PDE7A: variants seen among roughly 807,000 people sequenced by gnomAD.
The protein encoded by PDE7A is high affinity 3',5'-cyclic-AMP phosphodiesterase 7A.
In PDE7A, 39 loss-of-function variants were observed where a neutral mutation model predicts 64.3. That is an observed-to-expected ratio of 0.61 (90% confidence interval 0.47 to 0.79). The LOEUF (loss-of-function observed/expected upper bound fraction) is 0.79, where lower values mean the gene tolerates loss of function less well. Among genes scored for constraint, PDE7A ranks in the 30% least tolerant of loss-of-function variants. The pLI, the probability that PDE7A is intolerant of heterozygous loss-of-function variation, is 0.00. For missense variants in PDE7A, 470 were observed against 582.8 expected (o/e 0.81, Z 1.99); for synonymous variants, 203 against 206.8 (o/e 0.98, Z 0.16).
intron 1 of PDE7A, among the ~76,000 whole-genome samples, chr8:65,809,903 T>C (rs1810210162): frequency 6.6e-6 from 1 of 152,264 alleles, no homozygotes; most frequent in East Asian, 1.9e-4. Context: ...TTGGTGGGAG[T>C]GTAAATTAGT....
chr8:65,773,911 C>A (rs1418247510), intron 3 of PDE7A, among the ~76,000 whole-genome samples: 1 of 152,148 alleles, frequency 6.6e-6, no homozygotes, highest in African/African-American at 2.4e-5. Context: ...AGGCTGGAGA[C>A]TCCAAATACA....
intron 3 of PDE7A, chr8:65,770,955 C>T (rs1215532837): frequency 1.6e-5 from 4 of 257,234 alleles, no homozygotes; most frequent in Admixed American, 1.1e-4. Context: ...AGAAAAGACT[C>T]GTTAAAGTCA....
intron 3 of PDE7A, among the ~76,000 whole-genome samples, chr8:65,751,626 A>G (rs938978739): frequency 6.6e-6 from 1 of 152,042 alleles, no homozygotes; most frequent in African/African-American, 2.4e-5. Flanking sequence ...TCAAGTAGCT[A>G]GGATTACAGG....
intron 1 of PDE7A, among the ~76,000 whole-genome samples, chr8:65,795,805 A>C (rs1358083123): frequency 6.6e-6 from 1 of 152,168 alleles, no homozygotes; most frequent in Non-Finnish European, 1.5e-5. Flanking sequence ...GAAAATAAAA[A>C]AGTCACCTCA....
chr8:65,821,986 G>C (rs576960101), intron 1 of PDE7A, among the ~76,000 whole-genome samples: 20 of 152,304 alleles, frequency 1.3e-4, no homozygotes, highest in African/African-American at 4.8e-4. Flanking sequence ...CTAACAGGCA[G>C]AATTTTATAA....
intron 1 of PDE7A, among the ~76,000 whole-genome samples, chr8:65,807,503 A>G (rs1380623779): frequency 6.6e-6 from 1 of 151,412 alleles, no homozygotes; most frequent in Non-Finnish European, 1.5e-5. Context: ...TTTCCTTTCC[A>G]ATCTGGATGT....
rs1179431555 is a variant in PDE7A, at chr8:65,730,171, C to CTTTTTTTTTTTTTTTTTTT, written c.697-2889_697-2871dup. Among the ~76,000 whole-genome samples, 23 of 86,442 alleles carry CTTTTTTTTTTTTTTTTTTT rather than the reference C, an allele frequency of 2.7e-4. 3 individuals carry two copies. Among genetic ancestry groups the CTTTTTTTTTTTTTTTTTTT allele is most frequent in the African/African-American group, 4.3e-4 (9 of 20,936 alleles). 56.7% of individuals were successfully genotyped at this position (86,442 alleles called of 152,430 possible). On this transcript the variant is annotated intron_variant, in intron 7 of 12. Coordinates refer to ENST00000401827, the MANE Select transcript of PDE7A (RefSeq NM_001242318.3). ...TGTGAGGGATCCAGGTTGCGCACTT[C>CTTTTTTTTTTTTTTTTTTT]TTTTTTTTTTTTTTTTTTTTTTTTT...
intron 3 of PDE7A, among the ~76,000 whole-genome samples, chr8:65,763,937 A>G (rs1808639479): frequency 1.3e-5 from 2 of 152,368 alleles, no homozygotes; most frequent in South Asian, 2.1e-4. Context: ...GAAGATATTT[A>G]GAAGACAGAA....
rs909975938 is a variant in PDE7A, at chr8:65,776,317, T to C, written c.283+3403A>G. Among the ~76,000 whole-genome samples the C allele has an allele frequency of 4.6e-5, 7 of 152,304 alleles. No individual in the cohort carries two copies. The South Asian group carries it at 1.0e-3, about 23-fold the overall frequency. Reference sequence around the variant, plus strand: ...TCTATAGTATGCCTTTATTCTATTGTCAGTCCTTGAATTAACATCACCTTG... The same window carrying C: ...TCTATAGTATGCCTTTATTCTATTGCCAGTCCTTGAATTAACATCACCTTG... On this transcript the variant is annotated intron_variant, in intron 3 of 12. Transcript: ENST00000401827.
intron 3 of PDE7A, among the ~76,000 whole-genome samples, chr8:65,756,732 C>G: frequency 6.6e-6 from 1 of 152,216 alleles, no homozygotes; most frequent in African/African-American, 2.4e-5. Flanking sequence ...ACTAGTAATT[C>G]CAATGTGTGG....
At chr8:65,723,388 C>T in intron 12 of PDE7A, 153 bp downstream of exon 12, 2 of 643,008 alleles carry the variant, frequency 3.1e-6, no homozygotes, top group Non-Finnish European at 4.5e-6. Context: ...TTAGAAGAGC[C>T]ATAACAAGGG....
In PDE7A at chr8:65,734,893, A is replaced by G. The variant is rs1411293682; in HGVS notation, c.597T>C (p.Val199=). The G allele has an allele frequency of 1.5e-5, 24 of 1,588,574 alleles. No homozygotes were observed. The highest frequency in any genetic ancestry group is 2.1e-5 in the Non-Finnish European group (24 of 1,157,078). The change falls in exon 7 of 13, where the codon GTT becomes GTC. Residue 199 remains valine (V), a splice_region_variant and synonymous_variant. Coordinates refer to ENST00000401827, the MANE Select transcript of PDE7A (RefSeq NM_001242318.3). ...LDMMKLRRFL[V]MIQEDYHSQN... ...GACTGTGGTAATCTTCTTGAATCAT[A>G]ACTGCATCAAAGAAAGAGATCCCGA...
At chr8:65,823,425 A>G (rs1810589284) in intron 1 of PDE7A, among the ~76,000 whole-genome samples, 1 of 152,200 alleles carries the variant, frequency 6.6e-6, no homozygotes, top group Non-Finnish European at 1.5e-5. Context: ...TGCAAGATAT[A>G]AATTCTCCTT....
chr8:65,772,715 T>C (rs1374159590), intron 3 of PDE7A, among the ~76,000 whole-genome samples: 1 of 152,026 alleles, frequency 6.6e-6, no homozygotes, highest in East Asian at 1.9e-4. Context: ...AAGCCTAGGG[T>C]TAAACTGGCC....
chr8:65,809,316 AG>A (rs1810185732), intron 1 of PDE7A, among the ~76,000 whole-genome samples: 1 of 152,248 alleles, frequency 6.6e-6, no homozygotes, highest in African/African-American at 2.4e-5. Flanking sequence ...CTTTATAATC[AG>A]GAAGTTATGA....
At chr8:65,761,212 C>T (rs1221021030) in intron 3 of PDE7A, among the ~76,000 whole-genome samples, 7 of 152,022 alleles carry the variant, frequency 4.6e-5, no homozygotes, top group African/African-American at 7.2e-5. Flanking sequence ...ATTACAGGCA[C>T]GCACCACCAT....
intron 1 of PDE7A, among the ~76,000 whole-genome samples, chr8:65,818,675 G>A (rs1810471303): frequency 6.6e-6 from 1 of 152,190 alleles, no homozygotes; most frequent in Non-Finnish European, 1.5e-5. Context: ...AGTCTCCTAT[G>A]TGCAAGCATG....
chr8:65,776,159 T>G (rs2128922659), intron 3 of PDE7A, among the ~76,000 whole-genome samples: 1 of 152,320 alleles, frequency 6.6e-6, no homozygotes, highest in South Asian at 2.1e-4. Context: ...ATGCATGGTG[T>G]GAACAGGGTC....
chr8:65,745,008 G>A (rs780164164), intron 5 of PDE7A, among the ~76,000 whole-genome samples: 9 of 152,154 alleles, frequency 5.9e-5, no homozygotes, highest in Admixed American at 2.0e-4. Context: ...GGAGGGACCC[G>A]GTGGGAGACA....
Sources: allele counts gnomAD v4.1 joint callset (sites outside exome capture counted in the v4.1 genomes callset), GRCh38; gene constraint gnomAD v4.1.1; transcripts MANE v1.5; gene names NCBI Gene and HGNC (gene_info 2026-07-23, HGNC 2026-07-21).